DCC: variants seen among roughly 807,000 people sequenced by gnomAD.
DCC encodes the protein DCC netrin 1 receptor.
Under a neutral mutation model 172.5 loss-of-function variants are expected in DCC, and 58 were observed. The observed-to-expected ratio is 0.34, with a 90% CI of 0.27 to 0.42. The LOEUF is 0.42. Among genes scored for constraint, DCC ranks in the 10% least tolerant of loss-of-function variants. The pLI is 1.00. For synonymous variants in DCC, 709 were observed against 644.5 expected, an observed-to-expected ratio of 1.10 and a Z score of -1.52; for missense variants, 1,740 against 1,791.0, an observed-to-expected ratio of 0.97 and a Z score of 0.51.
intron 1 of DCC, among the ~76,000 whole-genome samples, chr18:52,399,221 C>A (rs1301333169): frequency 1.3e-5 from 2 of 151,702 alleles, no homozygotes; most frequent in African/African-American, 2.4e-5. Flanking sequence ...CTTTTCTGGA[C>A]AAAAGGAGGA....
At chr18:52,692,695 G>T (rs561805692) in intron 1 of DCC, among the ~76,000 whole-genome samples, 1 of 152,216 alleles carries the variant, frequency 6.6e-6, no homozygotes, top group South Asian at 2.1e-4. Context: ...GTCTCCCAAA[G>T]AATTGGGATT....
At chr18:53,495,047 C>A (rs1378539500) in intron 26 of DCC, among the ~76,000 whole-genome samples, 7 of 152,100 alleles carry the variant, frequency 4.6e-5, no homozygotes, top group Non-Finnish European at 4.4e-5. Flanking sequence ...GATTTTATTT[C>A]TCTTTCACTT....
intron 21 of DCC, among the ~76,000 whole-genome samples, chr18:53,424,067 T>C (rs11877374): frequency 0.43 from 65,633 of 152,096 alleles, 15,967 homozygotes; most frequent in Non-Finnish European, 0.56. Context: ...CTAAAATAAA[T>C]GCTAAATAGA....
At chr18:52,456,569 A>C (rs1313433047) in intron 1 of DCC, among the ~76,000 whole-genome samples, 2 of 152,246 alleles carry the variant, frequency 1.3e-5, no homozygotes, top group Non-Finnish European at 2.9e-5. Flanking sequence ...TAAGGTTTAA[A>C]AAATAAATTT....
In DCC at chr18:52,927,769, C is replaced by T. The variant is rs8096650; in HGVS notation, c.985+2399C>T. 3.3e-5 allele frequency among the ~76,000 whole-genome samples: 5 copies of T among 151,812 alleles called. No homozygotes were observed. The East Asian group carries it at 5.8e-4, about 18-fold the overall frequency. On this transcript the variant is annotated intron_variant, in intron 5 of 28. Coordinates refer to ENST00000442544, the MANE Select transcript of DCC (RefSeq NM_005215.4). ...AAAGGTCAAAAAATAACAGATATTG[C>T]CGGGGTTGTGGAGAAAAGAGAAAGA...
At chr18:52,629,057 A>G (rs547138441) in intron 1 of DCC, among the ~76,000 whole-genome samples, 1 of 152,358 alleles carries the variant, frequency 6.6e-6, no homozygotes, top group Admixed American at 6.5e-5. Context: ...ACTATGAGAC[A>G]GAGGAGATCT....
intron 1 of DCC, among the ~76,000 whole-genome samples, chr18:52,467,044 T>TAA (rs34627953): frequency 1.4e-5 from 2 of 145,556 alleles, no homozygotes; most frequent in Admixed American, 6.8e-5. Flanking sequence ...GTGGTTTTTT[T>TAA]AAAAAAAAAA....
chr18:52,758,500 T>TA (rs2145144310), intron 2 of DCC, among the ~76,000 whole-genome samples: 1 of 152,284 alleles, frequency 6.6e-6, no homozygotes, highest in Middle Eastern at 3.4e-3. Context: ...CCTGTGTTTT[T>TA]AAAAAATAAT....
At chr18:53,448,413 C>A (rs997568067) in intron 22 of DCC, among the ~76,000 whole-genome samples, 4 of 152,118 alleles carry the variant, frequency 2.6e-5, no homozygotes, top group South Asian at 2.1e-4. Flanking sequence ...AACCATCAGA[C>A]CTTGTTGTGA....
chr18:53,356,992 C>G (rs548735038), intron 15 of DCC, among the ~76,000 whole-genome samples: 1 of 152,234 alleles, frequency 6.6e-6, no homozygotes, highest in East Asian at 1.9e-4. Flanking sequence ...TTCTTCATAT[C>G]CAAAGTCTCA....
intron 1 of DCC, among the ~76,000 whole-genome samples, chr18:52,567,698 C>T (rs2033192155): frequency 6.6e-6 from 1 of 152,148 alleles, no homozygotes. Context: ...TGAGAAATTA[C>T]TTCGGTACAA....
Position 52,924,301 on chromosome 18 carries a change from TAC to T in DCC, c.848+447_848+448del, listed in dbSNP as rs556032710. On this transcript the variant is annotated intron_variant, in intron 4 of 28. Coordinates refer to ENST00000442544, the MANE Select transcript of DCC (RefSeq NM_005215.4). ...ATACATATACCAAAACATTACAGTC[TAC>T]ACTGTTATTATATGCAATTTTTGTC... 4.6e-5 allele frequency among the ~76,000 whole-genome samples: 7 copies of T among 152,230 alleles called. No homozygotes were observed. In the East Asian group the frequency reaches 7.7e-4, roughly 17 times the overall value.
intron 1 of DCC, among the ~76,000 whole-genome samples, chr18:52,716,076 C>T (rs1321152434): frequency 6.6e-6 from 1 of 152,192 alleles, no homozygotes; most frequent in Admixed American, 6.5e-5. Flanking sequence ...ACCTTGGGAG[C>T]CACTGCAGTG....
intron 15 of DCC, among the ~76,000 whole-genome samples, chr18:53,355,521 A>C (rs1038658389): frequency 1.3e-5 from 2 of 152,062 alleles, no homozygotes; most frequent in Non-Finnish European, 2.9e-5. Context: ...TAGGTATTTC[A>C]TTCTCTTTGA....
intron 5 of DCC, among the ~76,000 whole-genome samples, chr18:53,054,610 A>G (rs2042378901): frequency 6.6e-6 from 1 of 152,120 alleles, no homozygotes; most frequent in Non-Finnish European, 1.5e-5. Context: ...AGAGATGGAA[A>G]GCTTAGTCTG....
intron 2 of DCC, among the ~76,000 whole-genome samples, chr18:52,840,702 G>A (rs755531438): frequency 5.3e-5 from 8 of 152,120 alleles, no homozygotes; most frequent in Non-Finnish European, 1.2e-4. Context: ...CTGGCTATCT[G>A]GCTATCGCAA....
intron 7 of DCC, among the ~76,000 whole-genome samples, chr18:53,119,042 A>C (rs2043445961): frequency 6.6e-6 from 1 of 151,746 alleles, no homozygotes; most frequent in Non-Finnish European, 1.5e-5. Flanking sequence ...CACCTATTAG[A>C]AGTAAAGGCT....
intron 3 of DCC, among the ~76,000 whole-genome samples, chr18:52,914,570 G>T (rs1012489859): frequency 5.3e-5 from 8 of 152,084 alleles, no homozygotes; most frequent in African/African-American, 1.9e-4. Flanking sequence ...CAGCCAGATG[G>T]AAGTTTTCAT....
intron 1 of DCC, among the ~76,000 whole-genome samples, chr18:52,407,929 C>T (rs753818142): frequency 1.3e-5 from 2 of 152,024 alleles, no homozygotes; most frequent in African/African-American, 2.4e-5. Flanking sequence ...TTGCCTCTTG[C>T]CTTACTCCAT....
Sources: allele counts gnomAD v4.1 joint callset (sites outside exome capture counted in the v4.1 genomes callset), GRCh38; gene constraint gnomAD v4.1.1; transcripts MANE v1.5; gene names NCBI Gene and HGNC (gene_info 2026-07-23, HGNC 2026-07-21).